Variants in PRKG1 observed in about 807,000 individuals in gnomAD.
PRKG1 encodes the protein cGMP-dependent protein kinase 1.
PRKG1 carries 35 observed loss-of-function variants against 88.1 expected under a neutral mutation model. The ratio of observed to expected loss-of-function variants is 0.40; its 90% CI spans 0.30 to 0.53. PRKG1 has a LOEUF of 0.53. Ranked by LOEUF, PRKG1 falls within the 20% of genes least tolerant of loss-of-function variation. PRKG1 has a pLI of 0.59. For synonymous variants in PRKG1, 303 were observed against 292.5 expected (o/e 1.04, Z -0.37); for missense variants, 540 against 839.8 (o/e 0.64, Z 4.41).
At chr10:51,794,376 A>G (rs1316221849) in intron 3 of PRKG1, among the ~76,000 whole-genome samples, 1 of 152,156 alleles carries the variant, frequency 6.6e-6, no homozygotes, top group African/African-American at 2.4e-5. Context: ...TAATTGTACA[A>G]ATGTTCCATC....
intron 4 of PRKG1, among the ~76,000 whole-genome samples, chr10:51,846,041 C>T (rs1840389872): frequency 1.3e-5 from 2 of 152,216 alleles, no homozygotes. Flanking sequence ...TTTTGAACAA[C>T]ATATAAGAAC....
chr10:51,327,963 G>A (rs1278100838), intron 2 of PRKG1, among the ~76,000 whole-genome samples: 1 of 152,160 alleles, frequency 6.6e-6, no homozygotes, highest in Admixed American at 6.5e-5. Context: ...ACCACAGGTA[G>A]TTACCATTTT....
At chr10:51,594,468 A>G (rs1278436302) in intron 3 of PRKG1, among the ~76,000 whole-genome samples, 1 of 152,224 alleles carries the variant, frequency 6.6e-6, no homozygotes, top group Non-Finnish European at 1.5e-5. Context: ...TATATTCAAT[A>G]TGTTGTCTCA....
chr10:52,020,486 C>T (rs541500559), intron 5 of PRKG1, among the ~76,000 whole-genome samples: 7 of 151,954 alleles, frequency 4.6e-5, no homozygotes, highest in Non-Finnish European at 1.0e-4. Flanking sequence ...GAAAAAGAAA[C>T]GAAGGCAAGT....
chr10:51,714,042 T>C (rs1278039076), intron 3 of PRKG1, among the ~76,000 whole-genome samples: 5 of 152,172 alleles, frequency 3.3e-5, no homozygotes, highest in Non-Finnish European at 5.9e-5. Flanking sequence ...TGCAGTGGCA[T>C]GATCTCGGCT....
chr10:51,884,969 A>G (rs1564692198), intron 4 of PRKG1, among the ~76,000 whole-genome samples: 1 of 152,164 alleles, frequency 6.6e-6, no homozygotes, highest in African/African-American at 2.4e-5. Flanking sequence ...AGGTTTTGAG[A>G]GTCTACTGTA....
intron 2 of PRKG1, among the ~76,000 whole-genome samples, chr10:51,184,642 TAGCC>T (rs1215584403): frequency 1.3e-5 from 2 of 152,188 alleles, no homozygotes; most frequent in Non-Finnish European, 2.9e-5. Context: ...TTAGGATGAT[TAGCC>T]AGATCCAAAA....
At chr10:51,490,153 A>G (rs1198207254) in intron 3 of PRKG1, among the ~76,000 whole-genome samples, 1 of 152,112 alleles carries the variant, frequency 6.6e-6, no homozygotes, top group Non-Finnish European at 1.5e-5. Context: ...AATTCCCTTT[A>G]CAGCTCTGAC....
At chr10:51,103,958 A>G (rs956500072) in intron 1 of PRKG1, among the ~76,000 whole-genome samples, 4 of 152,232 alleles carry the variant, frequency 2.6e-5, no homozygotes, top group Non-Finnish European at 5.9e-5. Flanking sequence ...TGGATTGGCT[A>G]TGAAGGACAT....
chr10:51,937,927 G>C (rs1208649258), intron 5 of PRKG1, among the ~76,000 whole-genome samples: 2 of 152,082 alleles, frequency 1.3e-5, no homozygotes, highest in Admixed American at 6.6e-5. Flanking sequence ...GTTCCACTGA[G>C]TATGTGAATC....
chr10:52,165,659 TTA>T lies in PRKG1; in HGVS notation c.1076+3698_1076+3699del, dbSNP rs1838414122. On this transcript the variant is annotated intron_variant, in intron 9 of 17. Transcript: ENST00000373980. ...ATTTCTTAAAGCTCGACTAAAATGA[TTA>T]TGTTAGTTATCCATGGGAAATGGAT... Among the ~76,000 whole-genome samples, 7 of 152,172 alleles carry T rather than the reference TTA, an allele frequency of 4.6e-5. No individual in the cohort carries two copies. In the South Asian group the frequency reaches 1.2e-3, roughly 27 times the overall value.
At chr10:51,657,308 G>T (rs949447391) in intron 3 of PRKG1, among the ~76,000 whole-genome samples, 3 of 151,956 alleles carry the variant, frequency 2.0e-5, no homozygotes, top group African/African-American at 7.3e-5. Context: ...AAGCTCAATT[G>T]CTTCTGCCGT....
intron 9 of PRKG1, among the ~76,000 whole-genome samples, chr10:52,233,692 A>T (rs1034050719): frequency 2.8e-5 from 4 of 142,962 alleles, no homozygotes; most frequent in South Asian, 2.5e-4. Context: ...GATTGCTAGC[A>T]CAGCAGTCTG....
At chr10:52,029,079 G>GCACA (rs1845415443) in intron 5 of PRKG1, among the ~76,000 whole-genome samples, 8 of 152,196 alleles carry the variant, frequency 5.3e-5, no homozygotes, top group Admixed American at 1.3e-4. Context: ...CCAAGGTGGT[G>GCACA]CTTCTAGTTT....
intron 3 of PRKG1, among the ~76,000 whole-genome samples, chr10:51,486,012 A>G (rs923068854): frequency 1.3e-5 from 2 of 152,132 alleles, no homozygotes; most frequent in African/African-American, 2.4e-5. Context: ...TCATTTATCA[A>G]TCTATCCCTC....
intron 10 of PRKG1, among the ~76,000 whole-genome samples, chr10:52,257,943 T>G (rs1264614216): frequency 7.2e-6 from 1 of 139,304 alleles, no homozygotes; most frequent in African/African-American, 2.5e-5. Flanking sequence ...GTAAAGCTTA[T>G]CTCTACTTTG....
intron 2 of PRKG1, among the ~76,000 whole-genome samples, chr10:51,342,631 A>G (rs1456101829): frequency 2.0e-5 from 3 of 152,134 alleles, no homozygotes; most frequent in Admixed American, 6.6e-5. Flanking sequence ...ATGCAGACCT[A>G]ATTTTCATCT....
At chr10:52,109,004 T>C (rs1008030864) in intron 7 of PRKG1, among the ~76,000 whole-genome samples, 3 of 151,972 alleles carry the variant, frequency 2.0e-5, no homozygotes, top group Non-Finnish European at 2.9e-5. Flanking sequence ...ATTTTTGTAT[T>C]TTTAGTAGAG....
intron 5 of PRKG1, among the ~76,000 whole-genome samples, chr10:52,020,520 T>C (rs1355624214): frequency 1.3e-5 from 2 of 152,112 alleles, no homozygotes; most frequent in East Asian, 3.9e-4. Context: ...TGGAAGTTTA[T>C]TTAAAAGGCT....
Sources: gnomAD v4.1 joint callset for allele counts (sites outside exome capture counted in the v4.1 genomes callset) on GRCh38, gnomAD v4.1.1 for gene constraint, MANE v1.5 for transcripts, NCBI Gene and HGNC (gene_info 2026-07-23, HGNC 2026-07-21) for gene names.